GRIN2A: variants seen among roughly 807,000 people sequenced by gnomAD.
The protein encoded by GRIN2A is glutamate receptor ionotropic, NMDA 2A.
GRIN2A carries 22 observed loss-of-function variants against 113.4 expected under a neutral mutation model. That is an observed-to-expected ratio of 0.19 (90% CI 0.14 to 0.28). The LOEUF (loss-of-function observed/expected upper bound fraction) is 0.28, where lower values mean the gene tolerates loss of function less well. Among genes scored for constraint, GRIN2A ranks in the 10% least tolerant of loss-of-function variants. The pLI is 1.00. For synonymous variants in GRIN2A, 827 were observed against 738.4 expected (o/e 1.12, Z -1.94); for missense variants, 1,502 against 1,887.0 (o/e 0.80, Z 3.78).
chr16:10,039,789 A>AGG (rs2047111089), intron 2 of GRIN2A, among the ~76,000 whole-genome samples: 3 of 7,194 alleles, frequency 4.2e-4, no homozygotes, highest in African/African-American at 1.8e-3. Context: ...GGGGAGGGGG[A>AGG]GGGGGAGGGG....
rs1445530660 is a variant in GRIN2A at position 9,760,420 on chromosome 16, G to T, written c.*2729C>A. 1 of 126,586 alleles carries T rather than the reference G, an allele frequency of 7.9e-6. No homozygotes were observed. The allele number at this position is 126,586 out of a possible 1,614,324, so 7.8% of individuals were successfully genotyped here. On this transcript the variant is annotated 3_prime_UTR_variant, in exon 13 of 13. Coordinates refer to ENST00000330684, the MANE Select transcript of GRIN2A (RefSeq NM_001134407.3). Reference sequence around the variant, plus strand: ...TTTTGCTTGGGATCATCACATTGAAGAGTCATTGAATTAGTAGAGAAGGGA... The same window carrying T: ...TTTTGCTTGGGATCATCACATTGAATAGTCATTGAATTAGTAGAGAAGGGA...
rs554103922 is a variant in GRIN2A, at chr16:10,141,147, C to T, written c.414+38851G>A. Among the ~76,000 whole-genome samples, 6 of 151,588 alleles carry T rather than the reference C, an allele frequency of 4.0e-5. No homozygotes were observed. The South Asian group carries it at 6.3e-4, about 16-fold the overall frequency. On this transcript the variant is annotated intron_variant, in intron 2 of 12. Coordinates refer to ENST00000330684, the MANE Select transcript of GRIN2A (RefSeq NM_001134407.3). ...AGGGTGAGGCTGGAGTGAGCCAGAT[C>T]GTGCCACTGCACTCCATCTTAGGAG...
intron 3 of GRIN2A, among the ~76,000 whole-genome samples, chr16:9,920,358 A>G (rs1412390880): frequency 1.3e-5 from 2 of 152,154 alleles, no homozygotes; most frequent in African/African-American, 4.8e-5. Flanking sequence ...CTTTCACCTC[A>G]TCGGCTGAAG....
chr16:10,068,099 C>T (rs1009665503), intron 2 of GRIN2A, among the ~76,000 whole-genome samples: 1 of 152,220 alleles, frequency 6.6e-6, no homozygotes, highest in Non-Finnish European at 1.5e-5. Flanking sequence ...GAATGCTAAT[C>T]CCTTTTATGC....
chr16:9,896,444 A>G (rs963801438), intron 3 of GRIN2A, among the ~76,000 whole-genome samples: 7 of 152,128 alleles, frequency 4.6e-5, no homozygotes, highest in Admixed American at 4.6e-4. Flanking sequence ...TCCCATCTCC[A>G]TGTTCTCCAC....
chr16:9,830,428 G>A (rs1567330008), intron 8 of GRIN2A, among the ~76,000 whole-genome samples: 3 of 149,504 alleles, frequency 2.0e-5, no homozygotes, highest in Non-Finnish European at 4.4e-5. Flanking sequence ...TGGGGCATAT[G>A]CAGGCTGTAA....
At position 9,760,421 on chromosome 16, in the gene GRIN2A, A is replaced by T; in HGVS notation, c.*2728T>A. The T allele has an allele frequency of 6.4e-6, 1 of 157,194 alleles. No individual in the cohort carries two copies. Among genetic ancestry groups the T allele is most frequent in the East Asian group, 9.2e-5 (1 of 10,914 alleles). The allele number at this position is 157,194 out of a possible 1,614,324, so 9.7% of individuals were successfully genotyped here. A position where few individuals can be genotyped will look rare whatever the true frequency, so the allele number is the denominator to read the frequency against. On this transcript the variant is annotated 3_prime_UTR_variant, in exon 13 of 13. Transcript: ENST00000330684. ...TTTGCTTGGGATCATCACATTGAAG[A>T]GTCATTGAATTAGTAGAGAAGGGAT...
chr16:9,909,012 G>GT (rs947786195), intron 3 of GRIN2A, among the ~76,000 whole-genome samples: 6 of 152,280 alleles, frequency 3.9e-5, no homozygotes, highest in African/African-American at 9.6e-5. Flanking sequence ...TTATTAGTCT[G>GT]TTTTTCACAC....
intron 10 of GRIN2A, among the ~76,000 whole-genome samples, chr16:9,811,979 GA>G (rs2042094643): frequency 6.6e-6 from 1 of 152,050 alleles, no homozygotes; most frequent in Non-Finnish European, 1.5e-5. Context: ...TGCCCCTTTT[GA>G]AACAGTAGTA....
intron 2 of GRIN2A, among the ~76,000 whole-genome samples, chr16:10,059,685 T>C (rs1309121919): frequency 2.2e-5 from 3 of 133,974 alleles, no homozygotes; most frequent in South Asian, 4.6e-4. Flanking sequence ...TGAAGGGCCA[T>C]GGAACTAAAG....
At chr16:9,982,273 T>A (rs1016480757) in intron 2 of GRIN2A, among the ~76,000 whole-genome samples, 1 of 152,216 alleles carries the variant, frequency 6.6e-6, no homozygotes, top group Non-Finnish European at 1.5e-5. Context: ...AGATCTCACT[T>A]ATTTTGCCAG....
intron 2 of GRIN2A, among the ~76,000 whole-genome samples, chr16:10,174,013 G>C (rs534351796): frequency 2.0e-5 from 3 of 152,094 alleles, no homozygotes; most frequent in African/African-American, 7.2e-5. Flanking sequence ...CAAAAATAGA[G>C]AGTAATCCCT....
intron 2 of GRIN2A, 81 bp from the exon 3 acceptor site, chr16:9,938,632 G>A: frequency 1.1e-6 from 1 of 948,062 alleles, no homozygotes; most frequent in South Asian, 1.3e-5. Flanking sequence ...CTAGAAGTAA[G>A]GAAAGTAAAT....
chr16:10,093,459 C>T (rs1366301427), intron 2 of GRIN2A, among the ~76,000 whole-genome samples: 1 of 152,164 alleles, frequency 6.6e-6, no homozygotes, highest in Non-Finnish European at 1.5e-5. Flanking sequence ...TAAAAACATA[C>T]AGTTAATCTA....
At chr16:9,945,308 A>G (rs773268814) in intron 2 of GRIN2A, among the ~76,000 whole-genome samples, 2 of 152,174 alleles carry the variant, frequency 1.3e-5, no homozygotes, top group East Asian at 3.9e-4. Flanking sequence ...AGAAGGAGTC[A>G]TCCAGGCAAA....
chr16:10,145,253 C>A (rs2049415769), intron 2 of GRIN2A, among the ~76,000 whole-genome samples: 1 of 152,114 alleles, frequency 6.6e-6, no homozygotes, highest in Non-Finnish European at 1.5e-5. Flanking sequence ...ATCTGCTGGA[C>A]AACATAGTGT....
At position 10,087,789 on chromosome 16, in the gene GRIN2A, T is replaced by C. The variant is rs1007520680; in HGVS notation, c.414+92209A>G. On this transcript the variant is annotated intron_variant, in intron 2 of 12. Coordinates refer to ENST00000330684, the MANE Select transcript of GRIN2A (RefSeq NM_001134407.3). ...ATTGCAGCCTCCATCGGGGCTCAAG[T>C]GATCCTCCCACCTCAGCTTTCCAAG... 2.6e-5 allele frequency among the ~76,000 whole-genome samples: 4 copies of C among 151,816 alleles called. No individual in the cohort carries two copies. The South Asian group carries it at 8.4e-4, about 32-fold the overall frequency.
chr16:9,950,848 T>A (rs1441997493), intron 2 of GRIN2A, among the ~76,000 whole-genome samples: 2 of 152,350 alleles, frequency 1.3e-5, no homozygotes, highest in East Asian at 1.9e-4. Context: ...ATAGATCAGA[T>A]GAGCTCATGT....
intron 7 of GRIN2A, among the ~76,000 whole-genome samples, chr16:9,839,431 A>T (rs1252545694): frequency 6.6e-6 from 1 of 152,204 alleles, no homozygotes; most frequent in African/African-American, 2.4e-5. Flanking sequence ...CGGTTAAAAA[A>T]ATCACAAGAA....
Sources: gnomAD v4.1 joint callset for allele counts (sites outside exome capture counted in the v4.1 genomes callset) on GRCh38, gnomAD v4.1.1 for gene constraint, MANE v1.5 for transcripts, NCBI Gene and HGNC (gene_info 2026-07-23, HGNC 2026-07-21) for gene names.